ZFYVE9: variants seen among roughly 807,000 people sequenced by gnomAD.
ZFYVE9 encodes zinc finger FYVE-type containing 9, also known as zinc finger FYVE domain-containing protein 9.
A neutral mutation model predicts 126.7 loss-of-function variants in ZFYVE9; 43 were observed. The observed-to-expected ratio is 0.34, with a 90% CI of 0.27 to 0.44. The LOEUF (loss-of-function observed/expected upper bound fraction) is 0.44. Ranked by LOEUF, ZFYVE9 falls within the 20% of genes least tolerant of loss-of-function variation. The pLI is 1.00. For missense variants in ZFYVE9, 1,476 were observed against 1,697.0 expected, an observed-to-expected ratio of 0.87 and a Z score of 2.29; for synonymous variants, 521 against 597.4, an observed-to-expected ratio of 0.87 and a Z score of 1.87.
chr1:52,320,075 A>G (rs1646224499), intron 13 of ZFYVE9, among the ~76,000 whole-genome samples: 2 of 40,554 alleles, frequency 4.9e-5, no homozygotes, highest in Non-Finnish European at 8.0e-5. Context: ...TGATGTTAAG[A>G]CCTTTATTTT....
chr1:52,304,524 A>G (rs1646063547), intron 13 of ZFYVE9, among the ~76,000 whole-genome samples: 1 of 152,134 alleles, frequency 6.6e-6, no homozygotes, highest in African/African-American at 2.4e-5. Flanking sequence ...CGGCCTCCCA[A>G]AGTGCTGGGA....
Position 52,253,563 on chromosome 1 carries a change from A to G in ZFYVE9, c.2179-10210A>G, listed in dbSNP as rs565508034. 164 of 821,378 alleles carry G rather than the reference A, an allele frequency of 2.0e-4. No homozygotes were observed. In the East Asian group the frequency reaches 4.0e-3, roughly 20 times the overall value. 50.9% of individuals were successfully genotyped at this position (821,378 alleles called of 1,614,324 possible). ...CTAGGAAGCCGAGTGGGAGTGGCAC[A>G]GAGCTGCTGGAGATCCTGAGAACCT... On this transcript the variant is annotated intron_variant, in intron 4 of 18. Transcript: ENST00000287727.
At chr1:52,157,394 CTT>C (rs71579908) in intron 1 of ZFYVE9, among the ~76,000 whole-genome samples, 27 of 58,452 alleles carry the variant, frequency 4.6e-4, no homozygotes, top group African/African-American at 1.6e-3. Flanking sequence ...ACCATATTCT[CTT>C]TTTTTTTTTT....
At chr1:52,340,347 TC>T in intron 17 of ZFYVE9, 116 bp downstream of exon 17, 1 of 736,216 alleles carries the variant, frequency 1.4e-6, no homozygotes, top group Non-Finnish European at 2.3e-6. Flanking sequence ...CTGAGAAAAA[TC>T]TTTCTCGTTT....
At position 52,316,314 on chromosome 1, in the gene ZFYVE9, C is replaced by T. The variant is rs539525327; in HGVS notation, c.3438+12389C>T. Among the ~76,000 whole-genome samples the T allele has an allele frequency of 5.9e-5, 9 of 151,704 alleles. No individual in the cohort carries two copies. The East Asian group carries it at 1.4e-3, about 23-fold the overall frequency. On this transcript the variant is annotated intron_variant, in intron 13 of 18. Coordinates refer to ENST00000287727, the MANE Select transcript of ZFYVE9 (RefSeq NM_004799.4). ...CAGCCTGGCCAACATGGTGAAACCC[C>T]GTCTCTAGTAAACACAAAAATTAGC...
chr1:52,310,588 G>T (rs994573246), intron 13 of ZFYVE9, among the ~76,000 whole-genome samples: 1 of 152,112 alleles, frequency 6.6e-6, no homozygotes, highest in East Asian at 1.9e-4. Context: ...GCCCATGATC[G>T]TACAGCTAGC....
rs1472014725 is a variant in ZFYVE9 at position 52,346,126 on chromosome 1, G to A, written c.4183G>A (p.Ala1395Thr). Residue 1395 changes from alanine (A) to threonine (T), a missense_variant, in exon 19 of 19, where the codon GCC becomes ACC. Around this residue, in one of 2 missense-constraint regions of ZFYVE9, gnomAD observed 669 missense variants for 902.4 expected, o/e 0.74. Transcript: ENST00000287727. Reference protein sequence around the residue: ...PSQYMNDLDSALVPVIHGGAC... With the variant: ...PSQYMNDLDSTLVPVIHGGAC... The stretch of plus-strand genomic sequence containing the variant: ...GCAGTACATGAATGATCTGGACAGC[G>A]CCTTGGTGCCGGTGATCCATGGAGG... The A allele has an allele frequency of 6.8e-6, 11 of 1,613,374 alleles. No individual in the cohort carries two copies. Among genetic ancestry groups the A allele is most frequent in the South Asian group, 3.3e-5 (3 of 91,028 alleles).
At chr1:52,194,752 A>AT (rs1240956973) in intron 1 of ZFYVE9, among the ~76,000 whole-genome samples, 2 of 152,210 alleles carry the variant, frequency 1.3e-5, no homozygotes, top group Non-Finnish European at 2.9e-5. Context: ...GTTAAAGGGT[A>AT]AAGATACAGG....
intron 6 of ZFYVE9, 120 bp downstream of exon 6, chr1:52,266,951 A>T: frequency 1.1e-6 from 1 of 906,706 alleles, no homozygotes; most frequent in Non-Finnish European, 1.6e-6. Flanking sequence ...TTGGGTGGTT[A>T]TTAAAATGGA....
At chr1:52,219,672 C>T (rs1170419612) in intron 2 of ZFYVE9, among the ~76,000 whole-genome samples, 9 of 150,400 alleles carry the variant, frequency 6.0e-5, no homozygotes, top group Non-Finnish European at 1.0e-4. Flanking sequence ...AGAAACTGAT[C>T]TTTTGTTTCA....
At position 52,237,992 on chromosome 1, in the gene ZFYVE9, C is replaced by G. The variant is rs1485720384; in HGVS notation, c.575C>G (p.Thr192Ser). The G allele has an allele frequency of 1.2e-6, 2 of 1,613,982 alleles. No homozygotes were observed. The highest frequency in any genetic ancestry group is 1.7e-5 in the Admixed American group (1 of 59,994). Residue 192 changes from threonine to serine, a missense_variant, in exon 4 of 19, where the codon ACT becomes AGT. By Grantham distance (58) the Thr-to-Ser change is moderately conservative. Coordinates refer to ENST00000287727, the MANE Select transcript of ZFYVE9 (RefSeq NM_004799.4). ...SCSLDNENRQ[T>S]DQFSFSINES... is the part of the protein sequence containing the mutation. ...TCACTGGATAATGAAAACAGACAAA[C>G]TGATCAATTTAGTTTTAGTATAAAT...
intron 13 of ZFYVE9, among the ~76,000 whole-genome samples, chr1:52,314,454 G>A (rs550982127): frequency 1.5e-3 from 224 of 152,310 alleles, no homozygotes; most frequent in Middle Eastern, 0.014. Flanking sequence ...GGCCAAGATG[G>A]GCGGATCACT....
intron 10 of ZFYVE9, among the ~76,000 whole-genome samples, chr1:52,283,501 A>G (rs1645824894): frequency 6.6e-6 from 1 of 152,256 alleles, no homozygotes; most frequent in South Asian, 2.1e-4. Context: ...ATGTATATTC[A>G]TACACTAGAA....
Position 52,202,367 on chromosome 1 carries a change from C to T in ZFYVE9, c.-142-14002C>T, listed in dbSNP as rs954451241. On this transcript the variant is annotated intron_variant, in intron 1 of 18. Coordinates refer to ENST00000287727, the MANE Select transcript of ZFYVE9 (RefSeq NM_004799.4). ...TGATCTCGGTTAACCTCAACCTCCA[C>T]CTCCCAGGCTCAAATGATTCTCCTG... Among the ~76,000 whole-genome samples, 4 of 152,006 alleles carry T rather than the reference C, an allele frequency of 2.6e-5. No homozygotes were observed. The South Asian group carries it at 8.3e-4, about 31-fold the overall frequency.
chr1:52,193,265 C>T (rs977917443), intron 1 of ZFYVE9, among the ~76,000 whole-genome samples: 3 of 151,912 alleles, frequency 2.0e-5, no homozygotes, highest in African/African-American at 7.3e-5. Context: ...TGCTGTGTAC[C>T]CAGCCTCTAG....
At chr1:52,229,456 A>G (rs1488826569) in intron 2 of ZFYVE9, among the ~76,000 whole-genome samples, 1 of 152,224 alleles carries the variant, frequency 6.6e-6, no homozygotes, top group Non-Finnish European at 1.5e-5. Context: ...TGGAATGATA[A>G]TGTGAGGTAC....
intron 1 of ZFYVE9, among the ~76,000 whole-genome samples, chr1:52,208,773 T>C (rs1645000459): frequency 6.6e-6 from 1 of 152,202 alleles, no homozygotes; most frequent in Non-Finnish European, 1.5e-5. Context: ...CCTCAGGTGA[T>C]CCACCCGCCT....
intron 1 of ZFYVE9, among the ~76,000 whole-genome samples, chr1:52,200,412 C>T (rs1233598306): frequency 6.6e-6 from 1 of 152,116 alleles, no homozygotes; most frequent in Non-Finnish European, 1.5e-5. Flanking sequence ...AACTCCTGAG[C>T]TCAAGCGATC....
chr1:52,167,046 G>C (rs1387124345), intron 1 of ZFYVE9, among the ~76,000 whole-genome samples: 2 of 152,166 alleles, frequency 1.3e-5, no homozygotes, highest in Non-Finnish European at 2.9e-5. Context: ...AATTTAAAAA[G>C]TTTTGCAAAA....
Sources: gnomAD v4.1 joint callset for allele counts (sites outside exome capture counted in the v4.1 genomes callset) on GRCh38, gnomAD v4.1.1 for gene constraint, gnomAD v4.1.1 regional missense constraint, MANE v1.5 for transcripts, NCBI Gene and HGNC (gene_info 2026-07-23, HGNC 2026-07-21) for gene names.